The following DCC variants were observed in gnomAD, a reference collection of about 807,000 sequenced individuals.
DCC encodes DCC netrin 1 receptor, also known as netrin receptor DCC.
Under a neutral mutation model 172.5 loss-of-function variants are expected in DCC, and 58 were observed. The observed-to-expected ratio is 0.34, with a 90% CI of 0.27 to 0.42. DCC has a LOEUF of 0.42. Among genes scored for constraint, DCC ranks in the 10% least tolerant of loss-of-function variants. The probability of loss-of-function intolerance (pLI) is 1.00; values close to 1 mark genes in which losing one functional copy is unlikely to be tolerated. For synonymous variants in DCC, 709 were observed against 644.5 expected (o/e 1.10, Z -1.52); for missense variants, 1,740 against 1,791.0 (o/e 0.97, Z 0.51).
intron 5 of DCC, among the ~76,000 whole-genome samples, chr18:53,002,772 T>G (rs1324514843): frequency 6.6e-6 from 1 of 152,092 alleles, no homozygotes; most frequent in South Asian, 2.1e-4. Flanking sequence ...TTTGAATGAG[T>G]GTTAGCCTTG....
At chr18:52,456,377 T>C (rs1208393057) in intron 1 of DCC, among the ~76,000 whole-genome samples, 1 of 152,144 alleles carries the variant, frequency 6.6e-6, no homozygotes, top group East Asian at 1.9e-4. Context: ...TCCTGTTGCT[T>C]TCCTGAGTGC....
chr18:52,724,942 T>A (rs1229461192), intron 1 of DCC, among the ~76,000 whole-genome samples: 1 of 152,198 alleles, frequency 6.6e-6, no homozygotes, highest in Non-Finnish European at 1.5e-5. Context: ...ATGTTTCCAT[T>A]TGAAACTTCA....
intron 1 of DCC, among the ~76,000 whole-genome samples, chr18:52,563,988 T>C (rs2033099118): frequency 6.6e-6 from 1 of 152,154 alleles, no homozygotes; most frequent in Non-Finnish European, 1.5e-5. Context: ...CGGTCCAATA[T>C]AGCATTCCTA....
intron 19 of DCC, among the ~76,000 whole-genome samples, chr18:53,406,430 C>T (rs1226930002): frequency 7.1e-6 from 1 of 140,500 alleles, no homozygotes; most frequent in Non-Finnish European, 1.6e-5. Context: ...AGAGGCCAGG[C>T]GTAGTAGCTC....
At chr18:52,992,738 G>T (rs1599008122) in intron 5 of DCC, among the ~76,000 whole-genome samples, 1 of 152,074 alleles carries the variant, frequency 6.6e-6, no homozygotes, top group South Asian at 2.1e-4. Context: ...CACTTAAGGA[G>T]GCCAAGGTGG....
At chr18:53,441,638 A>G (rs796543916) in intron 22 of DCC, among the ~76,000 whole-genome samples, 24 of 152,070 alleles carry the variant, frequency 1.6e-4, no homozygotes, top group African/African-American at 5.5e-4. Context: ...GTGCTCATTT[A>G]CTTTCAAACT....
At chr18:53,032,988 T>A (rs540198320) in intron 5 of DCC, among the ~76,000 whole-genome samples, 1 of 152,246 alleles carries the variant, frequency 6.6e-6, no homozygotes, top group South Asian at 2.1e-4. Context: ...TCTTAATGAG[T>A]TGAGAATTCT....
At chr18:53,118,731 T>C (rs2043441767) in intron 7 of DCC, among the ~76,000 whole-genome samples, 1 of 151,720 alleles carries the variant, frequency 6.6e-6, no homozygotes, top group African/African-American at 2.4e-5. Context: ...TATGTAAAAA[T>C]ATAGGTCATT....
In DCC at chr18:53,310,295, G is replaced by A. The variant is rs73463101; in HGVS notation, c.2053+4576G>A. Among the ~76,000 whole-genome samples the A allele has an allele frequency of 6.2e-3, 951 of 152,184 alleles. 13 individuals carry two copies. The highest frequency in any genetic ancestry group is 0.022 in the African/African-American group (910 of 41,512). ...ATTTTCCATATAAATCTACAGCACT[G>A]TAAAATGTAAAGGATTTGATCCTAT... On this transcript the variant is annotated intron_variant, in intron 13 of 28. Coordinates refer to ENST00000442544, the MANE Select transcript of DCC (RefSeq NM_005215.4).
At chr18:52,764,370 G>A (rs1323570804) in intron 2 of DCC, among the ~76,000 whole-genome samples, 1 of 152,204 alleles carries the variant, frequency 6.6e-6, no homozygotes, top group African/African-American at 2.4e-5. Flanking sequence ...ACTATGGTTT[G>A]GATATTCATC....
chr18:52,500,636 A>G (rs931410463), intron 1 of DCC, among the ~76,000 whole-genome samples: 7 of 152,188 alleles, frequency 4.6e-5, no homozygotes, highest in African/African-American at 1.7e-4. Context: ...TTAGATGAAT[A>G]CAATTTTCTA....
Position 52,819,619 on chromosome 18 carries a change from A to G in DCC, c.412+67245A>G, listed in dbSNP as rs1054362301. Among the ~76,000 whole-genome samples the G allele has an allele frequency of 7.2e-5, 11 of 152,174 alleles. 1 individual carries two copies. The highest frequency in any genetic ancestry group is 1.5e-4 in the Non-Finnish European group (10 of 68,026). ...TAAAAGACCTGTTTATTAATCTCTT[A>G]TAATCCAGACGTCAGTTGTTAGTGA... On this transcript the variant is annotated intron_variant, in intron 2 of 28. Coordinates refer to ENST00000442544, the MANE Select transcript of DCC (RefSeq NM_005215.4).
intron 1 of DCC, among the ~76,000 whole-genome samples, chr18:52,435,430 T>C (rs1196520337): frequency 6.6e-6 from 1 of 152,176 alleles, no homozygotes; most frequent in Non-Finnish European, 1.5e-5. Flanking sequence ...ATCTCCCGTC[T>C]GCCTGGCTGT....
chr18:53,499,229 G>A (rs1458220554), intron 26 of DCC, 69 bp from the exon 27 acceptor site: 28 of 1,496,930 alleles, frequency 1.9e-5, no homozygotes, highest in Non-Finnish European at 2.6e-5. Context: ...TGCAGGGACT[G>A]TTCCAGTGAC....
chr18:53,018,352 T>C (rs565383728), intron 5 of DCC, among the ~76,000 whole-genome samples: 29 of 152,306 alleles, frequency 1.9e-4, no homozygotes, highest in African/African-American at 6.5e-4. Flanking sequence ...AATATAAGAA[T>C]TTACCCAGTT....
chr18:52,474,039 A>T (rs886606989), intron 1 of DCC, among the ~76,000 whole-genome samples: 7 of 152,150 alleles, frequency 4.6e-5, no homozygotes, highest in African/African-American at 1.4e-4. Flanking sequence ...AATAAATTTA[A>T]TCAAGTGATA....
At chr18:52,571,542 T>C (rs2033292851) in intron 1 of DCC, among the ~76,000 whole-genome samples, 1 of 152,204 alleles carries the variant, frequency 6.6e-6, no homozygotes, top group Non-Finnish European at 1.5e-5. Context: ...TAGAATTCCA[T>C]TGCAACACTG....
intron 2 of DCC, among the ~76,000 whole-genome samples, chr18:52,768,904 G>A (rs1178673889): frequency 6.6e-6 from 1 of 152,148 alleles, no homozygotes; most frequent in Non-Finnish European, 1.5e-5. Flanking sequence ...AGCAACAGAA[G>A]AGAAAAATAT....
chr18:53,283,982 C>T (rs374835193), intron 12 of DCC, among the ~76,000 whole-genome samples: 7 of 152,136 alleles, frequency 4.6e-5, no homozygotes, highest in East Asian at 1.9e-4. Context: ...GCTATGAATA[C>T]GTTCCATGTA....
Sources: allele counts gnomAD v4.1 joint callset (sites outside exome capture counted in the v4.1 genomes callset), GRCh38; gene constraint gnomAD v4.1.1; transcripts MANE v1.5; gene names NCBI Gene and HGNC (gene_info 2026-07-23, HGNC 2026-07-21).